The following XPO1 variants were observed in gnomAD, a reference collection of about 807,000 sequenced individuals.
XPO1 encodes the protein exportin-1.
XPO1 carries 5 observed loss-of-function variants against 133.3 expected under a neutral mutation model. The observed-to-expected ratio is 0.04, with a 90% CI of 0.02 to 0.08. The LOEUF is 0.08. XPO1 is among the 10% of genes least tolerant of loss of function. The pLI, the probability that XPO1 is intolerant of heterozygous loss-of-function variation, is 1.00. For synonymous variants in XPO1, 419 were observed against 408.2 expected (o/e 1.03, Z -0.32); for missense variants, 506 against 1,267.5 (o/e 0.40, Z 9.12).
At chr2:61,503,703 C>T (rs1372685642) in intron 4 of XPO1, among the ~76,000 whole-genome samples, 2 of 152,020 alleles carry the variant, frequency 1.3e-5, no homozygotes, top group Non-Finnish European at 2.9e-5. Flanking sequence ...GGATTACAGG[C>T]GTGAGCCACT....
chr2:61,512,081 C>T (rs1299900484), intron 4 of XPO1, among the ~76,000 whole-genome samples: 3 of 152,112 alleles, frequency 2.0e-5, no homozygotes, highest in Admixed American at 2.0e-4. Context: ...AAGTATATTT[C>T]TTACATTATC....
intron 12 of XPO1, 129 bp downstream of exon 12, chr2:61,493,765 A>G: frequency 1.0e-6 from 1 of 971,064 alleles, no homozygotes; most frequent in East Asian, 2.4e-5. Flanking sequence ...CTAGTTTTCC[A>G]CACTCATGGA....
chr2:61,526,207 A>G, intron 3 of XPO1: 2 of 1,353,418 alleles, frequency 1.5e-6, no homozygotes, highest in Non-Finnish European at 1.9e-6. Flanking sequence ...CAAAAAAGCC[A>G]CCTTGCATAC....
intron 6 of XPO1, among the ~76,000 whole-genome samples, chr2:61,501,112 G>T (rs905282765): frequency 1.1e-4 from 17 of 152,120 alleles, no homozygotes; most frequent in African/African-American, 4.1e-4. Flanking sequence ...TCACCACTCA[G>T]AGAAGGGCTA....
chr2:61,484,282 T>C lies in XPO1; in HGVS notation c.2509-177A>G, dbSNP rs113457899. On this transcript the variant is annotated intron_variant, in intron 20 of 24. Coordinates refer to ENST00000401558, the MANE Select transcript of XPO1 (RefSeq NM_003400.4). Reference sequence around the variant, plus strand: ...AATACAATCCACCTCTCACGGAAAATGAAACTGTCCCGTTACGCACATGAG... The same window carrying C: ...AATACAATCCACCTCTCACGGAAAACGAAACTGTCCCGTTACGCACATGAG... 2,477 of 560,746 alleles carry C rather than the reference T, an allele frequency of 4.4e-3. 53 individuals carry two copies. The highest frequency in any genetic ancestry group is 0.042 in the African/African-American group (2,204 of 52,796). 34.7% of individuals were successfully genotyped at this position (560,746 alleles called of 1,614,324 possible).
chr2:61,510,079 A>C (rs548087082), intron 4 of XPO1, among the ~76,000 whole-genome samples: 7 of 152,086 alleles, frequency 4.6e-5, no homozygotes, highest in Non-Finnish European at 1.0e-4. Context: ...CAGGAGTTTG[A>C]GACCAGCCAG....
intron 2 of XPO1, among the ~76,000 whole-genome samples, chr2:61,527,402 C>A (rs1409251038): frequency 1.3e-5 from 2 of 151,132 alleles, no homozygotes; most frequent in South Asian, 4.2e-4. Context: ...ATGGGAGGAT[C>A]ACTTGAGCCC....
intron 4 of XPO1, among the ~76,000 whole-genome samples, chr2:61,519,803 G>T (rs908197262): frequency 2.0e-5 from 3 of 151,502 alleles, no homozygotes; most frequent in African/African-American, 7.3e-5. Flanking sequence ...AAAAATGCAG[G>T]AATCTAATTT....
In XPO1 at chr2:61,499,210, A is replaced by C. The variant is rs144317527; in HGVS notation, c.591-297T>G. Among the ~76,000 whole-genome samples the C allele has an allele frequency of 2.7e-3, 417 of 152,328 alleles. 1 individual carries two copies. Among genetic ancestry groups the C allele is most frequent in the African/African-American group, 9.4e-3 (390 of 41,564 alleles). On this transcript the variant is annotated intron_variant, in intron 7 of 24. Transcript: ENST00000401558. ...AGTTTTCTGTTTTGTTTTAAAAAGAACACTATTGTTAACAATTGGGGAACT... is the reference window on the plus strand; with the variant it reads ...AGTTTTCTGTTTTGTTTTAAAAAGACCACTATTGTTAACAATTGGGGAACT...
At chr2:61,489,478 A>G (rs1257533318) in intron 17 of XPO1, among the ~76,000 whole-genome samples, 1 of 151,858 alleles carries the variant, frequency 6.6e-6, no homozygotes, top group Admixed American at 6.6e-5. Flanking sequence ...ACCCTAAACC[A>G]TATTTATAAT....
intron 4 of XPO1, among the ~76,000 whole-genome samples, chr2:61,510,723 G>C (rs975129122): frequency 4.6e-5 from 7 of 152,026 alleles, no homozygotes; most frequent in African/African-American, 1.7e-4. Context: ...GATCGCTTGA[G>C]CCCAGGAGTT....
At position 61,483,939 on chromosome 2, in the gene XPO1, G is replaced by A. The variant is rs755621083; in HGVS notation, c.2675C>T (p.Thr892Met). 7 of 1,611,544 alleles carry A rather than the reference G, an allele frequency of 4.3e-6. No individual in the cohort carries two copies. Among genetic ancestry groups the A allele is most frequent in the Non-Finnish European group, 5.9e-6 (7 of 1,179,244 alleles). ...FKHTMRNVAD[T>M]GLQILFTLLQ... ...ATAAAAGAACATCTTTTATTTACCC[G>A]TATCTGCGACATTCCTCATAGTATG... Residue 892 changes from threonine to methionine, a missense_variant and splice_region_variant, in exon 21 of 25, where the codon ACG (threonine) becomes ATG (methionine). Physicochemically the swap from Thr to Met is moderately conservative, Grantham distance 81 (BLOSUM62 -1). Transcript: ENST00000401558.
At chr2:61,512,742 T>C (rs779385305) in intron 4 of XPO1, among the ~76,000 whole-genome samples, 4 of 152,120 alleles carry the variant, frequency 2.6e-5, no homozygotes, top group Non-Finnish European at 5.9e-5. Flanking sequence ...AGCCAAACCT[T>C]TTAGAAACAA....
intron 2 of XPO1, 99 bp downstream of exon 2, chr2:61,533,673 G>A: frequency 1.6e-6 from 2 of 1,278,522 alleles, no homozygotes; most frequent in Non-Finnish European, 2.0e-6. Flanking sequence ...GCAAACTATG[G>A]AATATCTTTT....
chr2:61,535,123 C>CT (rs1162752315), intron 1 of XPO1, among the ~76,000 whole-genome samples: 1 of 152,212 alleles, frequency 6.6e-6, no homozygotes, highest in Middle Eastern at 3.2e-3. Context: ...GGATTCTACT[C>CT]TAAGATGCTG....
chr2:61,521,192 T>TA (rs1289386763), intron 4 of XPO1, among the ~76,000 whole-genome samples: 8 of 152,126 alleles, frequency 5.3e-5, no homozygotes, highest in Admixed American at 3.9e-4. Flanking sequence ...TTAATATTCT[T>TA]AAAAAAAGAC....
intron 4 of XPO1, among the ~76,000 whole-genome samples, chr2:61,518,203 T>C (rs1047733213): frequency 2.6e-5 from 4 of 151,294 alleles, no homozygotes; most frequent in Non-Finnish European, 4.4e-5. Context: ...CAGTGAACCA[T>C]GATTGCACCA....
rs552858240 is a variant in XPO1 at position 61,530,130 on chromosome 2, C to CA, written c.127-3610dup. On this transcript the variant is annotated intron_variant, in intron 2 of 24. Coordinates refer to ENST00000401558, the MANE Select transcript of XPO1 (RefSeq NM_003400.4). Reference sequence around the variant, plus strand: ...TATCTAACTAGAGGAAAAGTTGTATCAAAGATCCTCACACAGTAAAAGTTA... The same window carrying CA: ...TATCTAACTAGAGGAAAAGTTGTATCAAAAGATCCTCACACAGTAAAAGTTA... 7.9e-4 allele frequency among the ~76,000 whole-genome samples: 120 copies of CA among 152,290 alleles called. 1 individual carries two copies. The highest frequency in any genetic ancestry group is 2.4e-3 in the African/African-American group (100 of 41,556).
At chr2:61,491,486 A>C (rs1017221915) in intron 16 of XPO1, among the ~76,000 whole-genome samples, 1 of 151,272 alleles carries the variant, frequency 6.6e-6, no homozygotes, top group Non-Finnish European at 1.5e-5. Flanking sequence ...ACACACACAC[A>C]CACACACACA....
Sources: gnomAD v4.1 joint callset for allele counts (sites outside exome capture counted in the v4.1 genomes callset) on GRCh38, gnomAD v4.1.1 for gene constraint, MANE v1.5 for transcripts, NCBI Gene and HGNC (gene_info 2026-07-23, HGNC 2026-07-21) for gene names.